The following PTPRT variants were observed in gnomAD, a reference collection of about 807,000 sequenced individuals.
The protein encoded by PTPRT is receptor-type tyrosine-protein phosphatase T.
A neutral mutation model predicts 176.8 loss-of-function variants in PTPRT; 56 were observed. That is an observed-to-expected ratio of 0.32 (90% confidence interval 0.26 to 0.40). The LOEUF is 0.40. Among genes scored for constraint, PTPRT ranks in the 10% least tolerant of loss-of-function variants. The pLI is 1.00. For missense variants in PTPRT, 1,540 were observed against 1,908.2 expected (o/e 0.81, Z 3.60); for synonymous variants, 783 against 739.0 (o/e 1.06, Z -0.96).
intron 2 of PTPRT, among the ~76,000 whole-genome samples, chr20:42,876,489 T>C (rs1331934217): frequency 6.6e-6 from 1 of 151,978 alleles, no homozygotes; most frequent in Non-Finnish European, 1.5e-5. Context: ...AGTGTCTCTT[T>C]ATTTGCCCGA....
intron 3 of PTPRT, among the ~76,000 whole-genome samples, chr20:42,786,097 C>A (rs950528675): frequency 6.6e-6 from 1 of 152,146 alleles, no homozygotes; most frequent in Non-Finnish European, 1.5e-5. Context: ...TCTCTCTTGC[C>A]TTCCACCATG....
intron 27 of PTPRT, among the ~76,000 whole-genome samples, chr20:42,091,421 A>G (rs1180452123): frequency 6.6e-6 from 1 of 152,232 alleles, no homozygotes; most frequent in African/African-American, 2.4e-5. Context: ...TATTTTTGGA[A>G]TAAACATTTT....
At chr20:42,385,603 A>G (rs1441718844) in intron 9 of PTPRT, among the ~76,000 whole-genome samples, 1 of 152,234 alleles carries the variant, frequency 6.6e-6, no homozygotes, top group Non-Finnish European at 1.5e-5. Flanking sequence ...TAATAAAGAC[A>G]TACCTGAGAC....
chr20:42,115,524 C>T (rs1194663675), intron 21 of PTPRT, among the ~76,000 whole-genome samples: 1 of 152,226 alleles, frequency 6.6e-6, no homozygotes, highest in Non-Finnish European at 1.5e-5. Flanking sequence ...GCACTGGAGC[C>T]ATTAGAAATA....
At chr20:42,254,299 T>C (rs750114190) in intron 13 of PTPRT, among the ~76,000 whole-genome samples, 1 of 152,168 alleles carries the variant, frequency 6.6e-6, no homozygotes, top group Non-Finnish European at 1.5e-5. Flanking sequence ...CAAAAAGTGG[T>C]CCATCGACCA....
chr20:42,138,950 C>A (rs1409125062), intron 18 of PTPRT, among the ~76,000 whole-genome samples: 1 of 152,192 alleles, frequency 6.6e-6, no homozygotes, highest in Non-Finnish European at 1.5e-5. Context: ...GCTCTGGGTT[C>A]CTTAAGATGC....
At chr20:42,634,924 T>C (rs1447019084) in intron 7 of PTPRT, among the ~76,000 whole-genome samples, 1 of 152,082 alleles carries the variant, frequency 6.6e-6, no homozygotes, top group Non-Finnish European at 1.5e-5. Context: ...TATTTCCAGT[T>C]CCAAAGCCAT....
chr20:42,367,625 G>A (rs1600902594), intron 9 of PTPRT, among the ~76,000 whole-genome samples: 1 of 152,336 alleles, frequency 6.6e-6, no homozygotes, highest in East Asian at 1.9e-4. Context: ...CAGCAGAGCA[G>A]GGTGGGGAGG....
At chr20:42,324,846 A>G (rs1268078225) in intron 11 of PTPRT, among the ~76,000 whole-genome samples, 1 of 152,230 alleles carries the variant, frequency 6.6e-6, no homozygotes, top group African/African-American at 2.4e-5. Flanking sequence ...CCTAGTCAAA[A>G]TAGCTCGCAG....
chr20:42,365,186 C>T (rs1042808407), intron 9 of PTPRT, among the ~76,000 whole-genome samples: 5 of 152,170 alleles, frequency 3.3e-5, no homozygotes, highest in Non-Finnish European at 5.9e-5. Context: ...ACTAAGTGTT[C>T]GAAACCTGTT....
intron 15 of PTPRT, among the ~76,000 whole-genome samples, chr20:42,218,773 ATG>A (rs1203133130): frequency 6.6e-6 from 1 of 152,232 alleles, no homozygotes; most frequent in African/African-American, 2.4e-5. Context: ...CTCATGCATT[ATG>A]CATCAAGAGT....
intron 15 of PTPRT, among the ~76,000 whole-genome samples, chr20:42,201,663 G>GA (rs1445792090): frequency 1.4e-5 from 2 of 141,032 alleles, no homozygotes; most frequent in African/African-American, 5.3e-5. Context: ...ACCCTGAACA[G>GA]AAGCAGCGGC....
At position 43,182,838 on chromosome 20, in the gene PTPRT, A is replaced by AAAC. The variant is rs1555844678; in HGVS notation, c.88+6807_88+6808insGTT. On this transcript the variant is annotated intron_variant, in intron 1 of 30. Coordinates refer to ENST00000373187, the MANE Select transcript of PTPRT (RefSeq NM_007050.6). ...CTGTTCATCAAACCAAAGGCGCAAA[A>AAAC]AAAACAAAACAAAACAAAACAAAAA... Among the ~76,000 whole-genome samples, 155 of 152,128 alleles carry AAAC rather than the reference A, an allele frequency of 1.0e-3. 3 individuals carry two copies. Among genetic ancestry groups the AAAC allele is most frequent in the African/African-American group, 3.3e-3 (139 of 41,516 alleles).
At chr20:42,194,751 C>T (rs1568660848) in intron 16 of PTPRT, among the ~76,000 whole-genome samples, 1 of 152,160 alleles carries the variant, frequency 6.6e-6, no homozygotes, top group Non-Finnish European at 1.5e-5. Context: ...TGAAATGTGA[C>T]ACGTACTCCT....
chr20:42,170,377 T>C (rs552463569), intron 16 of PTPRT, among the ~76,000 whole-genome samples: 1 of 152,304 alleles, frequency 6.6e-6, no homozygotes, highest in South Asian at 2.1e-4. Context: ...TTGAAGTTTA[T>C]TGAAAACGAA....
chr20:43,046,098 G>C lies in PTPRT; in HGVS notation c.88+143548C>G, dbSNP rs554417467. ...TCGCAGGCCACACTAAGATTTTATTGCAAGTGCAAAAGGAAGCCAGATGCA... is the reference window on the plus strand; with the variant it reads ...TCGCAGGCCACACTAAGATTTTATTCCAAGTGCAAAAGGAAGCCAGATGCA... On this transcript the variant is annotated intron_variant, in intron 1 of 30. Coordinates refer to ENST00000373187, the MANE Select transcript of PTPRT (RefSeq NM_007050.6). Among the ~76,000 whole-genome samples, 9 of 152,280 alleles carry C rather than the reference G, an allele frequency of 5.9e-5. No individual in the cohort carries two copies. The South Asian group carries it at 1.7e-3, about 28-fold the overall frequency.
intron 13 of PTPRT, among the ~76,000 whole-genome samples, chr20:42,281,593 A>G (rs531454757): frequency 5.9e-5 from 9 of 152,262 alleles, no homozygotes; most frequent in Non-Finnish European, 1.2e-4. Context: ...ATTTACACAC[A>G]TACACATACA....
At chr20:42,064,158 C>T in the PTPRT span, among the ~76,000 whole-genome samples, 1 of 151,312 alleles carries the variant, frequency 6.6e-6, no homozygotes, top group South Asian at 2.1e-4. Context: ...GATCAGAATG[C>T]ATTCCTTCAT....
chr20:42,946,327 C>T (rs1396747666), intron 1 of PTPRT, among the ~76,000 whole-genome samples: 1 of 152,096 alleles, frequency 6.6e-6, no homozygotes, highest in African/African-American at 2.4e-5. Context: ...TTGAGGACAC[C>T]AGAGTCCAGC....
Sources: allele counts gnomAD v4.1 joint callset (sites outside exome capture counted in the v4.1 genomes callset), GRCh38; gene constraint gnomAD v4.1.1; transcripts MANE v1.5; gene names NCBI Gene and HGNC (gene_info 2026-07-23, HGNC 2026-07-21).